The following ERCC6L2 variants were observed in gnomAD, a reference collection of about 807,000 sequenced individuals.
ERCC6L2 encodes the protein DNA excision repair protein ERCC-6-like 2.
In ERCC6L2, 77 loss-of-function variants were observed where a neutral mutation model predicts 132.0. The observed-to-expected ratio is 0.58, with a 90% CI of 0.49 to 0.71. ERCC6L2 has a LOEUF of 0.71. Ranked by LOEUF, ERCC6L2 falls within the 30% of genes least tolerant of loss-of-function variation. ERCC6L2 has a pLI of 0.00. For synonymous variants in ERCC6L2, 583 were observed against 632.4 expected (o/e 0.92, Z 1.17); for missense variants, 1,542 against 1,837.6 (o/e 0.84, Z 2.94).
intron 17 of ERCC6L2, among the ~76,000 whole-genome samples, chr9:95,981,564 C>A (rs1300361007): frequency 2.0e-5 from 3 of 151,988 alleles, no homozygotes; most frequent in African/African-American, 7.3e-5. Context: ...ATTTTAGAAC[C>A]ATTTCTGAAA....
chr9:96,027,340 G>A (rs1834392369), intron 19 of ERCC6L2, among the ~76,000 whole-genome samples: 1 of 152,218 alleles, frequency 6.6e-6, no homozygotes, highest in East Asian at 1.9e-4. Context: ...GAACCGGGAA[G>A]GCTGAAGTGG....
chr9:95,910,618 T>C (rs1829297552), intron 4 of ERCC6L2, among the ~76,000 whole-genome samples: 1 of 152,226 alleles, frequency 6.6e-6, no homozygotes, highest in African/African-American at 2.4e-5. Context: ...TCTCCAAATA[T>C]TGCTTTTTCA....
chr9:95,893,684 A>G (rs1828287953), intron 2 of ERCC6L2, among the ~76,000 whole-genome samples: 1 of 151,972 alleles, frequency 6.6e-6, no homozygotes, highest in African/African-American at 2.4e-5. Context: ...GATAAGTTCT[A>G]TTTCTAAATT....
At chr9:95,946,345 G>A (rs182654602) in intron 12 of ERCC6L2, among the ~76,000 whole-genome samples, 102 of 152,144 alleles carry the variant, frequency 6.7e-4, no homozygotes, top group African/African-American at 2.3e-3. Context: ...TGGCTAACAC[G>A]GTGAAACCCC....
At chr9:96,008,724 G>A (rs1021399774) in intron 18 of ERCC6L2, among the ~76,000 whole-genome samples, 1 of 152,170 alleles carries the variant, frequency 6.6e-6, no homozygotes, top group Admixed American at 6.5e-5. Context: ...GGTTAGGGTC[G>A]GTACCAAGTT....
intron 11 of ERCC6L2, 73 bp from the exon 12 acceptor site, chr9:95,941,381 G>C: frequency 3.7e-6 from 4 of 1,072,460 alleles, no homozygotes; most frequent in Non-Finnish European, 4.2e-6. Flanking sequence ...TAGAAACCTG[G>C]CACAGTTGAG....
chr9:95,956,884 C>T (rs1021264115), intron 13 of ERCC6L2, among the ~76,000 whole-genome samples: 1 of 152,080 alleles, frequency 6.6e-6, no homozygotes, highest in African/African-American at 2.4e-5. Flanking sequence ...TGAGTAACCT[C>T]TTCTTTTTAC....
intron 9 of ERCC6L2, among the ~76,000 whole-genome samples, chr9:95,923,774 A>C (rs1829983026): frequency 6.6e-6 from 1 of 152,194 alleles, no homozygotes; most frequent in Admixed American, 6.5e-5. Flanking sequence ...GAATTAGAGA[A>C]AGGAATTTCT....
Position 95,928,771 on chromosome 9 carries a change from G to A in ERCC6L2, c.1658G>A (p.Arg553Gln), listed in dbSNP as rs1321775610. ...YCMASGLDYRRLDGSTKSEER... is the reference protein window; with the variant it reads ...YCMASGLDYRQLDGSTKSEER... ...ATGGCGTCTGGGCTTGATTACCGACGACTTGATGGAAGTACAAAATCAGAG... is the reference window on the plus strand; with the variant it reads ...ATGGCGTCTGGGCTTGATTACCGACAACTTGATGGAAGTACAAAATCAGAG... Residue 553 changes from arginine to glutamine, a missense_variant, in exon 11 of 19, where the codon CGA becomes CAA. Coordinates refer to ENST00000653738, the MANE Select transcript of ERCC6L2 (RefSeq NM_020207.7). 10 of 1,613,264 alleles carry A rather than the reference G, an allele frequency of 6.2e-6. No individual in the cohort carries two copies. The highest frequency in any genetic ancestry group is 3.3e-5 in the South Asian group (3 of 91,002).
intron 11 of ERCC6L2, among the ~76,000 whole-genome samples, chr9:95,935,083 G>GA (rs1408373989): frequency 6.6e-6 from 1 of 152,042 alleles, no homozygotes; most frequent in African/African-American, 2.4e-5. Flanking sequence ...TGTGCAGCAA[G>GA]AAAAATAAGA....
At chr9:95,942,834 G>A (rs754891940) in intron 12 of ERCC6L2, among the ~76,000 whole-genome samples, 4 of 152,128 alleles carry the variant, frequency 2.6e-5, no homozygotes, top group African/African-American at 4.8e-5. Flanking sequence ...ATACATGTTA[G>A]TAATATTTCT....
Position 95,928,839 on chromosome 9 carries a change from G to A in ERCC6L2, c.1726G>A (p.Val576Ile). 1 of 1,600,602 alleles carries A rather than the reference G, an allele frequency of 6.2e-7. No homozygotes were observed. Among genetic ancestry groups the A allele is most frequent in the Non-Finnish European group, 8.5e-7 (1 of 1,174,802 alleles). Residue 576 changes from valine to isoleucine, a missense_variant, in exon 11 of 19, where the codon GTT (valine) becomes ATT (isoleucine). Coordinates refer to ENST00000653738, the MANE Select transcript of ERCC6L2 (RefSeq NM_020207.7). ...IVKEFNSTQD[V>I]NICLVSTMAG... Reference sequence around the variant, plus strand: ...AAAAGAGTTCAACAGTACACAAGATGTTAACATTTGCCTTGTCTCTACAAT... The same window carrying A: ...AAAAGAGTTCAACAGTACACAAGATATTAACATTTGCCTTGTCTCTACAAT...
intron 6 of ERCC6L2, among the ~76,000 whole-genome samples, chr9:95,919,783 A>T (rs374865695): frequency 4.6e-5 from 7 of 152,252 alleles, no homozygotes; most frequent in East Asian, 1.9e-4. Flanking sequence ...CAATCAAATA[A>T]ATCATGAGAG....
chr9:95,967,000 G>A (rs1832189704), intron 14 of ERCC6L2: 1 of 226,750 alleles, frequency 4.4e-6, no homozygotes, highest in Non-Finnish European at 8.5e-6. Context: ...TTATAGTTTT[G>A]AAAACAGCTG....
chr9:95,900,863 A>G (rs546488162), intron 3 of ERCC6L2, among the ~76,000 whole-genome samples: 6 of 152,090 alleles, frequency 3.9e-5, no homozygotes, highest in African/African-American at 1.4e-4. Context: ...AAAACGTTAA[A>G]TTTTTTTATT....
At chr9:95,920,786 A>T (rs1352275278) in intron 6 of ERCC6L2, among the ~76,000 whole-genome samples, 1 of 151,752 alleles carries the variant, frequency 6.6e-6, no homozygotes, top group African/African-American at 2.4e-5. Flanking sequence ...AATTTTCACT[A>T]TTTTTTTTGA....
intron 4 of ERCC6L2, among the ~76,000 whole-genome samples, chr9:95,915,126 G>GT (rs1273484621): frequency 1.3e-5 from 2 of 152,088 alleles, no homozygotes; most frequent in Non-Finnish European, 2.9e-5. Context: ...GCTGTTCAGT[G>GT]TTTCCCCCAA....
chr9:95,937,768 T>TAAA (rs1830620872), intron 11 of ERCC6L2, among the ~76,000 whole-genome samples: 1 of 151,906 alleles, frequency 6.6e-6, no homozygotes, highest in African/African-American at 2.4e-5. Flanking sequence ...ATCAGCTTTT[T>TAAA]TTCACTGATT....
intron 6 of ERCC6L2, chr9:95,918,501 G>C: frequency 2.0e-6 from 1 of 502,374 alleles, no homozygotes; most frequent in South Asian, 1.5e-5. Context: ...TGGAAGTAAA[G>C]TTACAACATA....
Sources: gnomAD v4.1 joint callset for allele counts (sites outside exome capture counted in the v4.1 genomes callset) on GRCh38, gnomAD v4.1.1 for gene constraint, MANE v1.5 for transcripts, NCBI Gene and HGNC (gene_info 2026-07-23, HGNC 2026-07-21) for gene names.